Variants in POLL observed in about 807,000 individuals in gnomAD.
POLL encodes the protein DNA polymerase beta-2.
In POLL, 44 loss-of-function variants were observed where a neutral mutation model predicts 58.1. The ratio of observed to expected loss-of-function variants is 0.76; its 90% CI spans 0.60 to 0.97. The LOEUF (loss-of-function observed/expected upper bound fraction) is 0.97. Among genes scored for constraint, POLL ranks in the 50% least tolerant of loss-of-function variants. The pLI is 0.00. For missense variants in POLL, 632 were observed against 736.8 expected, an observed-to-expected ratio of 0.86 and a Z score of 1.65; for synonymous variants, 290 against 283.2, an observed-to-expected ratio of 1.02 and a Z score of -0.24.
Position 101,580,477 on chromosome 10 carries a change from G to A in POLL, c.1195-61C>T. The A allele has an allele frequency of 6.7e-7, 1 of 1,501,800 alleles. No individual in the cohort carries two copies. Among genetic ancestry groups the A allele is most frequent in the Non-Finnish European group, 9.2e-7 (1 of 1,092,268 alleles). 93.0% of individuals were successfully genotyped at this position (1,501,800 alleles called of 1,614,324 possible). Reference sequence around the variant, plus strand: ...CGTGGGGAGCTCCTCTCCCACAGCAGTACAAGGGCCTTCCCAGACTCGGGC... The same window carrying A: ...CGTGGGGAGCTCCTCTCCCACAGCAATACAAGGGCCTTCCCAGACTCGGGC... On this transcript the variant is annotated intron_variant, in intron 7 of 8. Transcript: ENST00000370162. The surrounding 1 kb of genome is among the most constrained non-coding windows in gnomAD (Gnocchi z 4.1).
Position 101,580,290 on chromosome 10 carries a change from G to C in POLL, c.1321C>G (p.Arg441Gly), listed in dbSNP as rs371348876. The C allele has an allele frequency of 2.5e-6, 4 of 1,614,002 alleles. No homozygotes were observed. Among genetic ancestry groups the C allele is most frequent in the Non-Finnish European group, 3.4e-6 (4 of 1,179,984 alleles). Reference protein sequence around the residue: ...LITHPDGRSHRGIFSRLLDSL... With the variant: ...LITHPDGRSHGGIFSRLLDSL... Reference sequence around the variant, plus strand: ...TCAAGGAGGCGGCTGAAGATACCCCGGTGGGACCGGCCATCTGGGTGAGTG... The same window carrying C: ...TCAAGGAGGCGGCTGAAGATACCCCCGTGGGACCGGCCATCTGGGTGAGTG... Residue 441 changes from arginine to glycine, a missense_variant, in exon 8 of 9, where the codon CGG (arginine) becomes GGG (glycine). Coordinates refer to ENST00000370162, the MANE Select transcript of POLL (RefSeq NM_001174084.2). This position sits in a 1 kb window ranked among gnomAD's most constrained non-coding sequence, Gnocchi z 4.1.
intron 4 of POLL, 121 bp from the exon 5 acceptor site, chr10:101,585,040 G>A (rs1194059399): frequency 1.9e-5 from 14 of 725,916 alleles, no homozygotes; most frequent in South Asian, 1.8e-4. Context: ...TAAGAATGAG[G>A]CGGGGCCTTC....
At position 101,580,081 on chromosome 10, in the gene POLL, T is replaced by G; in HGVS notation, c.1363+167A>C. The G allele has an allele frequency of 1.4e-6, 1 of 707,194 alleles. No individual in the cohort carries two copies. The allele number at this position is 707,194 out of a possible 1,614,324, so 43.8% of individuals were successfully genotyped here. On this transcript the variant is annotated intron_variant, in intron 8 of 8. Coordinates refer to ENST00000370162, the MANE Select transcript of POLL (RefSeq NM_001174084.2). This position sits in a 1 kb window ranked among gnomAD's most constrained non-coding sequence, Gnocchi z 4.1. ...ATAGGTGTGGCGGGGCTGTTCCATCTCTCCCTGGAGAGGATTCCGGCCCCG... is the reference window on the plus strand; with the variant it reads ...ATAGGTGTGGCGGGGCTGTTCCATCGCTCCCTGGAGAGGATTCCGGCCCCG...
At position 101,588,104 on chromosome 10, in the gene POLL, C is replaced by CG. The variant is rs1433463365; in HGVS notation, c.-330dup. 2 of 1,506,520 alleles carry CG rather than the reference C, an allele frequency of 1.3e-6. No homozygotes were observed. The highest frequency in any genetic ancestry group is 1.8e-6 in the Non-Finnish European group (2 of 1,128,908). 93.3% of individuals were successfully genotyped at this position (1,506,520 alleles called of 1,614,324 possible). On this transcript the variant is annotated 5_prime_UTR_variant, in exon 1 of 9. Coordinates refer to ENST00000370162, the MANE Select transcript of POLL (RefSeq NM_001174084.2). ...AGAAGAAAGCTGGAGTGCCCGACCCCGGCCCCAAGAGTCTCTCCAACCCCC... is the reference window on the plus strand; with the variant it reads ...AGAAGAAAGCTGGAGTGCCCGACCCCGGGCCCCAAGAGTCTCTCCAACCCCC...
chr10:101,587,117 C>T (rs891533256), intron 2 of POLL, 129 bp downstream of exon 2: 1 of 1,603,638 alleles, frequency 6.2e-7, no homozygotes, highest in African/African-American at 1.3e-5. Context: ...TAGATACAAA[C>T]AGACCTGCAG....
Position 101,585,970 on chromosome 10 carries a change from G to A in POLL, c.302C>T (p.Pro101Leu). ...YERALRLLRL[P>L]QLPPGAQLVK... The stretch of plus-strand genomic sequence containing the variant: ...CAGCTGAGCACCCGGGGGCAGCTGG[G>A]GTAGTCTGAGAAGGCGGAGGGCTCG... Residue 101 changes from proline to leucine, a missense_variant, in exon 3 of 9, where the codon CCC becomes CTC. By Grantham distance (98) the Pro-to-Leu change is moderately conservative. Transcript: ENST00000370162. 6.2e-7 allele frequency: 1 copy of A among 1,614,096 alleles called. No individual in the cohort carries two copies. The highest frequency in any genetic ancestry group is 8.5e-7 in the Non-Finnish European group (1 of 1,180,022).
At chr10:101,586,474 T>C (rs1458704100) in intron 2 of POLL, among the ~76,000 whole-genome samples, 1 of 151,914 alleles carries the variant, frequency 6.6e-6, no homozygotes, top group South Asian at 2.1e-4. Flanking sequence ...CTTTGTTTTT[T>C]GTTTGTTTGT....
At chr10:101,586,198 AATTTTT>A in intron 2 of POLL, 42 bp from the exon 3 acceptor site, 1 of 1,557,052 alleles carries the variant, frequency 6.4e-7, no homozygotes, top group Non-Finnish European at 8.8e-7. Context: ...GTAACTTTTT[AATTTTT>A]ATCTGCCACC....
rs373429626 is a variant in POLL at position 101,582,829 on chromosome 10, G to A, written c.1128C>T (p.Gly376=). 3.1e-6 allele frequency: 5 copies of A among 1,614,080 alleles called. No individual in the cohort carries two copies. The highest frequency in any genetic ancestry group is 3.4e-6 in the Non-Finnish European group (4 of 1,180,020). Residue 376 remains glycine (G), a synonymous_variant, in exon 7 of 9, where the codon GGC becomes GGT. Transcript: ENST00000370162. ...CCAGGAAGTCACTGTAATGCTTCAGGCCGATGGCCTGCTGGGTTGTCAGGG... is the reference window on the plus strand; with the variant it reads ...CCAGGAAGTCACTGTAATGCTTCAGACCGATGGCCTGCTGGGTTGTCAGGG... ...QASLTTQQAI[G]LKHYSDFLER...
In POLL at chr10:101,580,190, G is replaced by C; in HGVS notation, c.1363+58C>G. The C allele has an allele frequency of 2.0e-6, 3 of 1,491,328 alleles. No individual in the cohort carries two copies. The highest frequency in any genetic ancestry group is 2.7e-6 in the Non-Finnish European group (3 of 1,099,270). The allele number at this position is 1,491,328 out of a possible 1,614,324, so 92.4% of individuals were successfully genotyped here. A position where few individuals can be genotyped will look rare whatever the true frequency, so the allele number is the denominator to read the frequency against. On this transcript the variant is annotated intron_variant, in intron 8 of 8. Transcript: ENST00000370162. This position sits in a 1 kb window ranked among gnomAD's most constrained non-coding sequence, Gnocchi z 4.1. Reference sequence around the variant, plus strand: ...ACTTCTGAGGTTCTCCCTCTGAGGGGGCCCCCAGACCTGTGCTGCCCTCTG... The same window carrying C: ...ACTTCTGAGGTTCTCCCTCTGAGGGCGCCCCCAGACCTGTGCTGCCCTCTG...
At chr10:101,587,709 C>G in intron 1 of POLL, 113 bp downstream of exon 1, 1 of 1,103,756 alleles carries the variant, frequency 9.1e-7, no homozygotes, top group African/African-American at 1.6e-5. Context: ...CCTGCTGCGG[C>G]CCACTTCGAA....
chr10:101,588,210 A>G lies in POLL; in HGVS notation c.-435T>C, dbSNP rs745631838. ...GCAGGAATAGACCACTTACCAGCAGAGCCAATGAGAGCGGACGAAGGGGGG... is the reference window on the plus strand; with the variant it reads ...GCAGGAATAGACCACTTACCAGCAGGGCCAATGAGAGCGGACGAAGGGGGG... On this transcript the variant is annotated 5_prime_UTR_variant, in exon 1 of 9. Transcript: ENST00000370162. The G allele has an allele frequency of 6.5e-7, 1 of 1,542,846 alleles. No homozygotes were observed. Among genetic ancestry groups the G allele is most frequent in the African/African-American group, 1.4e-5 (1 of 73,036 alleles).
Position 101,585,384 on chromosome 10 carries a change from G to A in POLL, c.505C>T (p.Pro169Ser). The change falls in exon 4 of 9, where the codon CCT becomes TCT. Residue 169 changes from proline to serine, a missense_variant. Pro to Ser is a moderately conservative substitution (Grantham distance 74). Transcript: ENST00000370162. ...GACACAGGCCTGGTGGGAGGAGGAGGAGGAGAAAGGGCTGTCTGAAGCAGG... is the reference window on the plus strand; with the variant it reads ...GACACAGGCCTGGTGGGAGGAGGAGAAGGAGAAAGGGCTGTCTGAAGCAGG... ...EALLQTALSP[P>S]PPPTRPVSPP... The A allele has an allele frequency of 6.2e-7, 1 of 1,608,702 alleles. No homozygotes were observed. Among genetic ancestry groups the A allele is most frequent in the East Asian group, 2.2e-5 (1 of 44,616 alleles).
rs1429712164 is a variant in POLL, at chr10:101,579,766, T to A, written c.1415A>T (p.Lys472Met). ...TGGGAGCCGGCACACCCCCAAGTAC[T>A]TCTGTTGCTGACCATTCTCCTCTTG... ...VSQEENGQQQ[K>M]YLGVCRLPGP... Residue 472 changes from lysine (K) to methionine (M), a missense_variant, in exon 9 of 9, where the codon AAG (lysine) becomes ATG (methionine). By Grantham distance (95) the Lys-to-Met change is moderately conservative. Coordinates refer to ENST00000370162, the MANE Select transcript of POLL (RefSeq NM_001174084.2). This position sits in a 1 kb window ranked among gnomAD's most constrained non-coding sequence, Gnocchi z 4.4. The A allele has an allele frequency of 6.2e-7, 1 of 1,613,750 alleles. No homozygotes were observed. Among genetic ancestry groups the A allele is most frequent in the Non-Finnish European group, 8.5e-7 (1 of 1,180,014 alleles).
Position 101,579,911 on chromosome 10 carries a change from G to C in POLL, c.1364-94C>G, listed in dbSNP as rs2062888271. ...TCTCCTGATGTCTAAGCTGGGGCTTGCCCAGGTATTAGCTGGGTGACACTA... is the reference window on the plus strand; with the variant it reads ...TCTCCTGATGTCTAAGCTGGGGCTTCCCCAGGTATTAGCTGGGTGACACTA... On this transcript the variant is annotated intron_variant, in intron 8 of 8. Coordinates refer to ENST00000370162, the MANE Select transcript of POLL (RefSeq NM_001174084.2). This position sits in a 1 kb window ranked among gnomAD's most constrained non-coding sequence, Gnocchi z 4.4. The C allele has an allele frequency of 2.1e-6, 3 of 1,424,632 alleles. No homozygotes were observed. The South Asian group carries it at 4.2e-5, about 20-fold the overall frequency. 88.2% of individuals were successfully genotyped at this position (1,424,632 alleles called of 1,614,324 possible). A position where few individuals can be genotyped will look rare whatever the true frequency, so the allele number is the denominator to read the frequency against.
In POLL at chr10:101,579,635, T is replaced by C. The variant is rs202015609; in HGVS notation, c.1546A>G (p.Met516Val). 31 of 1,613,772 alleles carry C rather than the reference T, an allele frequency of 1.9e-5. No homozygotes were observed. The highest frequency in any genetic ancestry group is 2.5e-5 in the Non-Finnish European group (29 of 1,180,008). ...FTGSAHFNRS[M>V]RALAKTKGMS... Reference sequence around the variant, plus strand: ...CCCTTGGTTTTGGCCAGGGCTCGCATGGAGCGGTTGAAGTGTGCAGAGCCG... The same window carrying C: ...CCCTTGGTTTTGGCCAGGGCTCGCACGGAGCGGTTGAAGTGTGCAGAGCCG... The change falls in exon 9 of 9, where the codon ATG becomes GTG. Residue 516 changes from methionine to valine, a missense_variant. Met to Val is a conservative substitution (Grantham distance 21, BLOSUM62 1). Coordinates refer to ENST00000370162, the MANE Select transcript of POLL (RefSeq NM_001174084.2). This position sits in a 1 kb window ranked among gnomAD's most constrained non-coding sequence, Gnocchi z 4.4.
In POLL at chr10:101,587,314, A is replaced by AT; in HGVS notation, c.46dup (p.Ile16AsnfsTer4). On this transcript the variant is annotated frameshift_variant, in exon 2 of 9. Transcript: ENST00000370162. LOFTEE classifies it high-confidence loss of function. Reference sequence around the variant, plus strand: ...TACTTTTGATGATGCATCAGCATGAATTTTCTGCCGCTTGGGAAATGCCTT... The same window carrying AT: ...TACTTTTGATGATGCATCAGCATGAATTTTTCTGCCGCTTGGGAAATGCCTT... 4 of 1,614,112 alleles carry AT rather than the reference A, an allele frequency of 2.5e-6. No individual in the cohort carries two copies. Among genetic ancestry groups the AT allele is most frequent in the Non-Finnish European group, 3.4e-6 (4 of 1,180,034 alleles).
Position 101,587,318 on chromosome 10 carries a change from T to C in POLL, c.43A>G (p.Lys15Glu), listed in dbSNP as rs766881072. ...GILKAFPKRQ[K>E]IHADASSKVL... is the part of the protein sequence containing the mutation. ...TTTGATGATGCATCAGCATGAATTTTCTGCCGCTTGGGAAATGCCTTCAAG... is the reference window on the plus strand; with the variant it reads ...TTTGATGATGCATCAGCATGAATTTCCTGCCGCTTGGGAAATGCCTTCAAG... Residue 15 changes from lysine to glutamate, a missense_variant, in exon 2 of 9, where the codon AAA becomes GAA. By Grantham distance (56) the Lys-to-Glu change is moderately conservative. Coordinates refer to ENST00000370162, the MANE Select transcript of POLL (RefSeq NM_001174084.2). The C allele has an allele frequency of 1.2e-6, 2 of 1,614,106 alleles. No individual in the cohort carries two copies. The highest frequency in any genetic ancestry group is 1.7e-6 in the Non-Finnish European group (2 of 1,180,048).
Position 101,587,982 on chromosome 10 carries a change from TGGA to T in POLL, c.-210_-208del, listed in dbSNP as rs1306096130. ...GCAGGTGTGGGGAGCCCTCCGGGAA[TGGA>T]GGAGTCTCGCAGCTGCGGGTGAAGT... On this transcript the variant is annotated 5_prime_UTR_variant, in exon 1 of 9. Coordinates refer to ENST00000370162, the MANE Select transcript of POLL (RefSeq NM_001174084.2). 1 of 1,291,436 alleles carries T rather than the reference TGGA, an allele frequency of 7.7e-7. No individual in the cohort carries two copies. Among genetic ancestry groups the T allele is most frequent in the East Asian group, 5.0e-5 (1 of 19,888 alleles). The allele number at this position is 1,291,436 out of a possible 1,614,324, so 80.0% of individuals were successfully genotyped here. A position where few individuals can be genotyped will look rare whatever the true frequency, so the allele number is the denominator to read the frequency against.
Sources: gnomAD v4.1 joint callset for allele counts (sites outside exome capture counted in the v4.1 genomes callset) on GRCh38, gnomAD v4.1.1 for gene constraint, Gnocchi (gnomAD v3.1) non-coding constraint, MANE v1.5 for transcripts, NCBI Gene and HGNC (gene_info 2026-07-23, HGNC 2026-07-21) for gene names.